Variants in DCC observed in about 807,000 individuals in gnomAD.
DCC encodes DCC netrin 1 receptor, also known as netrin receptor DCC.
DCC carries 58 observed loss-of-function variants against 172.5 expected under a neutral mutation model. The ratio of observed to expected loss-of-function variants is 0.34; its 90% CI spans 0.27 to 0.42. The LOEUF (loss-of-function observed/expected upper bound fraction) is 0.42. Ranked by LOEUF, DCC falls within the 10% of genes least tolerant of loss-of-function variation. DCC has a pLI of 1.00. For synonymous variants in DCC, 709 were observed against 644.5 expected (o/e 1.10, Z -1.52); for missense variants, 1,740 against 1,791.0 (o/e 0.97, Z 0.51).
rs952670611 is a variant in DCC at position 52,739,931 on chromosome 18, T to C, written c.92-12123T>C. Among the ~76,000 whole-genome samples, 10 of 152,312 alleles carry C rather than the reference T, an allele frequency of 6.6e-5. No homozygotes were observed. The South Asian group carries it at 2.1e-3, about 32-fold the overall frequency. ...CCTCAAAAACCCTATTGATGCTATC[T>C]TTAAAATGGGTCCTGAATATGGATT... On this transcript the variant is annotated intron_variant, in intron 1 of 28. Transcript: ENST00000442544.
chr18:53,132,413 T>G (rs191664320), intron 7 of DCC, among the ~76,000 whole-genome samples: 10 of 152,196 alleles, frequency 6.6e-5, no homozygotes, highest in Non-Finnish European at 1.5e-4. Context: ...GACATTCACA[T>G]TTCATCTAGA....
At chr18:52,515,003 T>C (rs898531913) in intron 1 of DCC, among the ~76,000 whole-genome samples, 14 of 152,068 alleles carry the variant, frequency 9.2e-5, no homozygotes, top group Admixed American at 6.5e-5. Context: ...TCCAGACAAA[T>C]ACAGTAAATA....
chr18:52,910,556 G>A (rs918863993), intron 3 of DCC, among the ~76,000 whole-genome samples: 1 of 152,114 alleles, frequency 6.6e-6, no homozygotes, highest in Non-Finnish European at 1.5e-5. Flanking sequence ...ATGTCTGATT[G>A]TGTGTGATGG....
chr18:53,060,553 T>C (rs2042479233), intron 5 of DCC, among the ~76,000 whole-genome samples: 1 of 152,144 alleles, frequency 6.6e-6, no homozygotes, highest in Admixed American at 6.6e-5. Context: ...AACTCACATA[T>C]ACGTTTGTAA....
chr18:52,880,967 T>C (rs1163851933), intron 2 of DCC, among the ~76,000 whole-genome samples: 1 of 152,140 alleles, frequency 6.6e-6, no homozygotes, highest in Non-Finnish European at 1.5e-5. Context: ...TCTAATTTAC[T>C]TTCCCACCAA....
intron 2 of DCC, among the ~76,000 whole-genome samples, chr18:52,905,091 C>T (rs2039861811): frequency 6.6e-6 from 1 of 152,094 alleles, no homozygotes; most frequent in African/African-American, 2.4e-5. Context: ...GAAGCCTTCT[C>T]TCTCACCATG....
At chr18:52,685,284 A>G (rs922700519) in intron 1 of DCC, among the ~76,000 whole-genome samples, 2 of 151,960 alleles carry the variant, frequency 1.3e-5, no homozygotes, top group Non-Finnish European at 2.9e-5. Flanking sequence ...AATATTTACA[A>G]TTCATAATTT....
At position 52,595,894 on chromosome 18, in the gene DCC, C is replaced by T. The variant is rs577464199; in HGVS notation, c.92-156160C>T. ...ATGCCAGACCAAAACTTCTGAGTTA[C>T]AGAGCTCCACCATGAGAAATCTCAG... On this transcript the variant is annotated intron_variant, in intron 1 of 28. Transcript: ENST00000442544. Among the ~76,000 whole-genome samples the T allele has an allele frequency of 4.6e-5, 7 of 152,304 alleles. No individual in the cohort carries two copies. The South Asian group carries it at 6.2e-4, about 14-fold the overall frequency.
At chr18:53,390,265 C>CT (rs150764317) in intron 16 of DCC, among the ~76,000 whole-genome samples, 3 of 122,242 alleles carry the variant, frequency 2.5e-5, no homozygotes, top group Admixed American at 7.7e-5. Context: ...CTCTCTCTCT[C>CT]CTTTTATTTT....
chr18:52,739,122 G>A (rs1014653495), intron 1 of DCC, among the ~76,000 whole-genome samples: 1 of 152,070 alleles, frequency 6.6e-6, no homozygotes, highest in Admixed American at 6.5e-5. Context: ...TGGCTGTGAT[G>A]TCACTAGGCA....
intron 7 of DCC, among the ~76,000 whole-genome samples, chr18:53,100,929 T>G (rs1055247629): frequency 1.3e-5 from 2 of 151,256 alleles, no homozygotes; most frequent in African/African-American, 4.9e-5. Flanking sequence ...ATTTTGGAGA[T>G]TCAATTTTTA....
At chr18:53,352,420 T>C (rs1202282774) in intron 15 of DCC, among the ~76,000 whole-genome samples, 4 of 152,152 alleles carry the variant, frequency 2.6e-5, no homozygotes, top group African/African-American at 9.6e-5. Flanking sequence ...AGGATTGTTA[T>C]GTCTTGTTGA....
chr18:53,401,432 G>A (rs1434506297), intron 18 of DCC, among the ~76,000 whole-genome samples: 3 of 152,048 alleles, frequency 2.0e-5, no homozygotes, highest in Admixed American at 6.6e-5. Flanking sequence ...TGAAGATCAC[G>A]GTGTTGGAAA....
At chr18:53,073,073 T>G (rs1339134115) in intron 7 of DCC, among the ~76,000 whole-genome samples, 2 of 152,216 alleles carry the variant, frequency 1.3e-5, no homozygotes, top group African/African-American at 2.4e-5. Flanking sequence ...GATATACACC[T>G]GCTTTTAAGC....
At chr18:53,480,554 T>G (rs2045819649) in intron 25 of DCC, among the ~76,000 whole-genome samples, 1 of 152,200 alleles carries the variant, frequency 6.6e-6, no homozygotes, top group African/African-American at 2.4e-5. Flanking sequence ...CAGGATGTTT[T>G]AAACAATATT....
intron 1 of DCC, among the ~76,000 whole-genome samples, chr18:52,519,257 G>T (rs1425299843): frequency 6.6e-6 from 1 of 152,150 alleles, no homozygotes; most frequent in Non-Finnish European, 1.5e-5. Flanking sequence ...TATCTGTTCT[G>T]TGCCTGGGTT....
At chr18:52,961,497 G>A (rs2040842012) in intron 5 of DCC, among the ~76,000 whole-genome samples, 1 of 152,046 alleles carries the variant, frequency 6.6e-6, no homozygotes, top group Non-Finnish European at 1.5e-5. Context: ...GTTTATTTCA[G>A]AACTGAGCCA....
Position 52,965,340 on chromosome 18 carries a change from A to AT in DCC, c.985+39980dup, listed in dbSNP as rs963795727. ...AAACAGGCTAGAAAGGACATGCTTG[A>AT]TTTTTTTTTTCTTAAAAGGAAAACT... On this transcript the variant is annotated intron_variant, in intron 5 of 28. Coordinates refer to ENST00000442544, the MANE Select transcript of DCC (RefSeq NM_005215.4). 5.3e-3 allele frequency among the ~76,000 whole-genome samples: 802 copies of AT among 150,846 alleles called. 8 individuals are homozygous for AT. Among genetic ancestry groups the AT allele is most frequent in the African/African-American group, 0.018 (725 of 41,180 alleles).
At chr18:52,831,931 C>G (rs912804932) in intron 2 of DCC, among the ~76,000 whole-genome samples, 1 of 151,956 alleles carries the variant, frequency 6.6e-6, no homozygotes, top group African/African-American at 2.4e-5. Context: ...GGCCAGTGCC[C>G]GAGCCCTGCA....
Sources: gnomAD v4.1 joint callset for allele counts (sites outside exome capture counted in the v4.1 genomes callset) on GRCh38, gnomAD v4.1.1 for gene constraint, MANE v1.5 for transcripts, NCBI Gene and HGNC (gene_info 2026-07-23, HGNC 2026-07-21) for gene names.